CGB8: variants seen among roughly 807,000 people sequenced by gnomAD.
CGB8 encodes chorionic gonadotropin, beta polypeptide 8.
Under a neutral mutation model 7.6 loss-of-function variants are expected in CGB8, and 2 were observed. That is an observed-to-expected ratio of 0.26 (90% CI 0.11 to 0.83). The LOEUF (loss-of-function observed/expected upper bound fraction) is 0.83. Ranked by LOEUF, CGB8 falls within the 40% of genes least tolerant of loss-of-function variation. The probability of loss-of-function intolerance (pLI) is 0.65; values close to 1 mark genes in which losing one functional copy is unlikely to be tolerated. For synonymous variants in CGB8, 8 were observed against 91.5 expected (o/e 0.09, Z 5.21); for missense variants, 16 against 208.2 (o/e 0.08, Z 5.68).
rs778138392 is a variant in CGB8, at chr19:49,048,787, T to C, written c.-48A>G. ...TGTACCTGGCTTTAAACCTCGGGGT[T>C]GTGGGGGCGGCAAGGCCACCAGGAG... On this transcript the variant is annotated 5_prime_UTR_variant, in exon 1 of 3. Transcript: ENST00000448456. The C allele has an allele frequency of 5.6e-6, 9 of 1,612,698 alleles. No homozygotes were observed. The South Asian group carries it at 8.8e-5, about 16-fold the overall frequency.
At position 49,048,834 on chromosome 19, in the gene CGB8, C is replaced by G. The variant is rs2039965159; in HGVS notation, c.-95G>C. 6.2e-7 allele frequency: 1 copy of G among 1,609,218 alleles called. No homozygotes were observed. The highest frequency in any genetic ancestry group is 8.5e-7 in the Non-Finnish European group (1 of 1,177,224). ...GGAGGTTGTAGGATGCTGGAGTGAG[C>G]TCGACACTAACCCTTCGGGGGGCAA... On this transcript the variant is annotated 5_prime_UTR_variant, in exon 1 of 3. Coordinates refer to ENST00000448456, the MANE Select transcript of CGB8 (RefSeq NM_033183.3).
rs1380647478 is a variant in CGB8 at position 49,048,889 on chromosome 19, G to A, written c.-150C>T. On this transcript the variant is annotated 5_prime_UTR_variant, in exon 1 of 3. Transcript: ENST00000448456. ...TAGACAAGGCCAGGGGGGCGCAGGA[G>A]TGGCTCAGCGGAGCGCCCCAGCCCT... The A allele has an allele frequency of 3.5e-6, 5 of 1,408,954 alleles. No individual in the cohort carries two copies. Among genetic ancestry groups the A allele is most frequent in the Non-Finnish European group, 3.9e-6 (4 of 1,019,272 alleles). The allele number at this position is 1,408,954 out of a possible 1,614,324, so 87.3% of individuals were successfully genotyped here.
Position 49,048,914 on chromosome 19 carries a change from T to C in CGB8, c.-175A>G. 1 of 1,312,180 alleles carries C rather than the reference T, an allele frequency of 7.6e-7. No homozygotes were observed. The highest frequency in any genetic ancestry group is 1.0e-6 in the Non-Finnish European group (1 of 954,052). 81.3% of individuals were successfully genotyped at this position (1,312,180 alleles called of 1,614,324 possible). On this transcript the variant is annotated 5_prime_UTR_variant, in exon 1 of 3. Coordinates refer to ENST00000448456, the MANE Select transcript of CGB8 (RefSeq NM_033183.3). ...GTGGCTCAGCGGAGCGCCCCAGCCC[T>C]CTCCTCTCACTGGTCCAGCGCCAAG...
rs1058676 is a variant in CGB8 at position 49,048,776 on chromosome 19, A to T, written c.-37T>A. 5.1e-3 allele frequency: 8,096 copies of T among 1,602,338 alleles called. 688 individuals carry two copies. In the African/African-American group the frequency reaches 0.11, roughly 21 times the overall value. ...CCCCTGCCTCGTGTACCTGGCTTTA[A>T]ACCTCGGGGTTGTGGGGGCGGCAAG... On this transcript the variant is annotated 5_prime_UTR_variant, in exon 1 of 3. Coordinates refer to ENST00000448456, the MANE Select transcript of CGB8 (RefSeq NM_033183.3).
At chr19:49,048,561 C>A (rs1273902738) in intron 1 of CGB8, among the ~76,000 whole-genome samples, 164 bp downstream of exon 1, 40 of 151,722 alleles carry the variant, frequency 2.6e-4, no homozygotes, top group Non-Finnish European at 1.5e-4. Context: ...GATACCCCAA[C>A]ATTTCAGATC....
In CGB8 at chr19:49,048,856, G is replaced by A; in HGVS notation, c.-117C>T. 1.9e-6 allele frequency: 3 copies of A among 1,584,632 alleles called. No individual in the cohort carries two copies. Among genetic ancestry groups the A allele is most frequent in the Admixed American group, 1.7e-5 (1 of 59,446 alleles). ...GAGCTCGACACTAACCCTTCGGGGG[G>A]CAAGAGGTAGACAAGGCCAGGGGGG... On this transcript the variant is annotated 5_prime_UTR_variant, in exon 1 of 3. Transcript: ENST00000448456.
rs2039955868 is a variant in CGB8 at position 49,047,972 on chromosome 19, G to A, written c.184-3C>T. On this transcript the variant is annotated splice_polypyrimidine_tract_variant and splice_region_variant and intron_variant, in intron 2 of 2. Coordinates refer to ENST00000448456, the MANE Select transcript of CGB8 (RefSeq NM_033183.3). Reference sequence around the variant, plus strand: ...AGGACCCCCTGCAGCACGCGGGTCTGGAAGCCGTGTGAGTGGGAGAATGAG... The same window carrying A: ...AGGACCCCCTGCAGCACGCGGGTCTAGAAGCCGTGTGAGTGGGAGAATGAG... The A allele has an allele frequency of 1.3e-6, 2 of 1,553,724 alleles. No individual in the cohort carries two copies. The highest frequency in any genetic ancestry group is 2.3e-5 in the East Asian group (1 of 44,202).
At position 49,048,895 on chromosome 19, in the gene CGB8, C is replaced by G. The variant is rs1315990221; in HGVS notation, c.-156G>C. 2.4e-5 allele frequency: 32 copies of G among 1,361,514 alleles called. 1 individual carries two copies. The South Asian group carries it at 4.2e-4, about 18-fold the overall frequency. 84.3% of individuals were successfully genotyped at this position (1,361,514 alleles called of 1,614,324 possible). ...AGGCCAGGGGGGCGCAGGAGTGGCT[C>G]AGCGGAGCGCCCCAGCCCTCTCCTC... On this transcript the variant is annotated 5_prime_UTR_variant, in exon 1 of 3. Coordinates refer to ENST00000448456, the MANE Select transcript of CGB8 (RefSeq NM_033183.3).
In CGB8 at chr19:49,048,771, C is replaced by G. The variant is rs763810383; in HGVS notation, c.-32G>C. On this transcript the variant is annotated 5_prime_UTR_variant, in exon 1 of 3. Transcript: ENST00000448456. Reference sequence around the variant, plus strand: ...TGTGTCCCCTGCCTCGTGTACCTGGCTTTAAACCTCGGGGTTGTGGGGGCG... The same window carrying G: ...TGTGTCCCCTGCCTCGTGTACCTGGGTTTAAACCTCGGGGTTGTGGGGGCG... The G allele has an allele frequency of 6.2e-7, 1 of 1,613,004 alleles. No homozygotes were observed. The highest frequency in any genetic ancestry group is 8.5e-7 in the Non-Finnish European group (1 of 1,179,844).
In CGB8 at chr19:49,048,798, C is replaced by T; in HGVS notation, c.-59G>A. The T allele has an allele frequency of 1.2e-6, 2 of 1,612,590 alleles. No homozygotes were observed. Among genetic ancestry groups the T allele is most frequent in the Non-Finnish European group, 1.7e-6 (2 of 1,179,768 alleles). On this transcript the variant is annotated 5_prime_UTR_variant, in exon 1 of 3. Coordinates refer to ENST00000448456, the MANE Select transcript of CGB8 (RefSeq NM_033183.3). ...TTAAACCTCGGGGTTGTGGGGGCGG[C>T]AAGGCCACCAGGAGGTTGTAGGATG...
intron 2 of CGB8, 55 bp from the exon 3 acceptor site, chr19:49,048,024 T>C: frequency 6.3e-7 from 1 of 1,582,566 alleles, no homozygotes; most frequent in South Asian, 1.1e-5. Context: ...GCGCCTCAGC[T>C]GAGCTCCCCA....
rs773047965 is a variant in CGB8 at position 49,048,696 on chromosome 19, G to A, written c.15+29C>T. 5.0e-6 allele frequency: 8 copies of A among 1,612,694 alleles called. No individual in the cohort carries two copies. In the South Asian group the frequency reaches 8.8e-5, roughly 18 times the overall value. Reference sequence around the variant, plus strand: ...GCCAGTGATTGCCTGGAAGGAGGTGGAAGGTGCCCAGGGGCCCTGCAGTCT... The same window carrying A: ...GCCAGTGATTGCCTGGAAGGAGGTGAAAGGTGCCCAGGGGCCCTGCAGTCT... On this transcript the variant is annotated intron_variant, in intron 1 of 2. Transcript: ENST00000448456.
chr19:49,047,725 G>T lies in CGB8; in HGVS notation c.428C>A (p.Ala143Asp). Residue 143 changes from alanine (A) to aspartate (D), a missense_variant, in exon 3 of 3, where the codon GCC (alanine) becomes GAC (aspartate). Physicochemically the swap from Ala to Asp is moderately radical, Grantham distance 126. Coordinates refer to ENST00000448456, the MANE Select transcript of CGB8 (RefSeq NM_033183.3). ...PRFQDSSSSK[A>D]PPPSLPSPSR... Reference sequence around the variant, plus strand: ...TGGACTTGGAAGGCTGGGGGGAGGGGCCTTTGAGGAAGAGGAGTCCTGGAA... The same window carrying T: ...TGGACTTGGAAGGCTGGGGGGAGGGTCCTTTGAGGAAGAGGAGTCCTGGAA... 1 of 1,606,470 alleles carries T rather than the reference G, an allele frequency of 6.2e-7. No homozygotes were observed. Among genetic ancestry groups the T allele is most frequent in the African/African-American group, 1.4e-5 (1 of 73,886 alleles).
At chr19:49,048,685 G>A in intron 1 of CGB8, 40 bp downstream of exon 1, 1 of 1,612,604 alleles carries the variant, frequency 6.2e-7, no homozygotes, top group Non-Finnish European at 8.5e-7. Flanking sequence ...GTGATTGCCT[G>A]GAAGGAGGTG....
chr19:49,048,576 C>T, intron 1 of CGB8, 149 bp downstream of exon 1: 1 of 1,603,892 alleles, frequency 6.2e-7, no homozygotes, highest in Non-Finnish European at 8.5e-7. Flanking sequence ...CAGATCCCCA[C>T]CTTCAGGAAA....
At position 49,048,896 on chromosome 19, in the gene CGB8, A is replaced by C. The variant is rs1341793603; in HGVS notation, c.-157T>G. ...GGCCAGGGGGGCGCAGGAGTGGCTC[A>C]GCGGAGCGCCCCAGCCCTCTCCTCT... On this transcript the variant is annotated 5_prime_UTR_variant, in exon 1 of 3. Transcript: ENST00000448456. The C allele has an allele frequency of 4.7e-5, 64 of 1,365,010 alleles. No homozygotes were observed. The Middle Eastern group carries it at 2.7e-3, about 58-fold the overall frequency. 84.6% of individuals were successfully genotyped at this position (1,365,010 alleles called of 1,614,324 possible).
rs2039967688 is a variant in CGB8 at position 49,049,052 on chromosome 19, A to G, written c.-313T>C. ...GGTGTAGGAAGGCCTGCCTCTGCCT[A>G]TGGTGGGGTCCTGGGAGCCAGGAGG... On this transcript the variant is annotated 5_prime_UTR_variant, in exon 1 of 3. Coordinates refer to ENST00000448456, the MANE Select transcript of CGB8 (RefSeq NM_033183.3). 1 of 1,243,828 alleles carries G rather than the reference A, an allele frequency of 8.0e-7. No homozygotes were observed. The highest frequency in any genetic ancestry group is 1.0e-6 in the Non-Finnish European group (1 of 970,818). The allele number at this position is 1,243,828 out of a possible 1,614,324, so 77.0% of individuals were successfully genotyped here. A position where few individuals can be genotyped will look rare whatever the true frequency, so the allele number is the denominator to read the frequency against.
At position 49,048,708 on chromosome 19, in the gene CGB8, G is replaced by T. The variant is rs1235311331; in HGVS notation, c.15+17C>A. On this transcript the variant is annotated intron_variant, in intron 1 of 2. Transcript: ENST00000448456. The stretch of plus-strand genomic sequence containing the variant: ...CTGGAAGGAGGTGGAAGGTGCCCAG[G>T]GGCCCTGCAGTCTTACCTGGAACAT... 1.9e-6 allele frequency: 3 copies of T among 1,612,976 alleles called. No individual in the cohort carries two copies. The highest frequency in any genetic ancestry group is 1.1e-5 in the South Asian group (1 of 91,050).
At chr19:49,048,539 CA>C (rs1456243543) in intron 1 of CGB8, among the ~76,000 whole-genome samples, 167 bp from the exon 2 acceptor site, 4 of 151,552 alleles carry the variant, frequency 2.6e-5, no homozygotes, top group Non-Finnish European at 4.4e-5. Context: ...CCCCACAGCC[CA>C]GAGGACCTGA....
Sources: gnomAD v4.1 joint callset for allele counts (sites outside exome capture counted in the v4.1 genomes callset) on GRCh38, gnomAD v4.1.1 for gene constraint, MANE v1.5 for transcripts, NCBI Gene and HGNC (gene_info 2026-07-23, HGNC 2026-07-21) for gene names.